The following SNX12 variants were observed in gnomAD, a reference collection of about 807,000 sequenced individuals.
The protein encoded by SNX12 is sorting nexin-12.
For synonymous variants in SNX12, 47 were observed against 56.0 expected (o/e 0.84, Z 0.71); for missense variants, 62 against 141.3 (o/e 0.44, Z 2.84).
upstream of SNX12, among the ~76,000 whole-genome samples, chrX:71,069,231 AC>A (rs766972890): frequency 5.4e-5 from 6 of 111,935 alleles, no homozygotes; most frequent in South Asian, 2.2e-3. Context: ...TCCTTTCTCC[AC>A]CTTTCCCCTG....
chrX:71,067,994 C>T, intron 1 of SNX12, 148 bp downstream of exon 1: 1 of 484,574 alleles, frequency 2.1e-6, no homozygotes, highest in Admixed American at 4.5e-5. Flanking sequence ...ATCGGCAGAC[C>T]TCGTTCCAAG....
At chrX:71,061,174 G>C in intron 3 of SNX12, 56 bp from the exon 4 acceptor site, 1 of 992,630 alleles carries the variant, frequency 1.0e-6, no homozygotes, top group Non-Finnish European at 1.4e-6. Context: ...AGAATTAGCA[G>C]AGGGATGGGG....
At chrX:71,066,672 T>C (rs182605975) in intron 1 of SNX12, among the ~76,000 whole-genome samples, 1 of 109,022 alleles carries the variant, frequency 9.2e-6, no homozygotes, top group Non-Finnish European at 1.9e-5. Context: ...GGGTAATGCA[T>C]TGAATGTCTC....
intron 2 of SNX12, 149 bp from the exon 3 acceptor site, chrX:71,062,116 G>C (rs2092133656): frequency 4.4e-6 from 2 of 458,644 alleles, no homozygotes; most frequent in Non-Finnish European, 7.0e-6. Flanking sequence ...CATAAGAACA[G>C]TCAGGATGGC....
At chrX:71,069,738 C>T (rs2092166901), upstream of SNX12, among the ~76,000 whole-genome samples, 1 of 111,367 alleles carries the variant, frequency 9.0e-6, no homozygotes, top group Admixed American at 9.6e-5. Context: ...GTCAAGAGTT[C>T]GAGATCAGCC....
chrX:71,065,649 C>T (rs1468947732), intron 1 of SNX12, among the ~76,000 whole-genome samples: 4 of 109,523 alleles, frequency 3.7e-5, no homozygotes, highest in African/African-American at 1.3e-4. Context: ...ACTAAAAATA[C>T]AAAAATTAGC....
At chrX:71,061,142 T>C in intron 3 of SNX12, 24 bp from the exon 4 acceptor site, 1 of 1,099,038 alleles carries the variant, frequency 9.1e-7, no homozygotes, top group African/African-American at 1.8e-5. Context: ...AGGATGGTTA[T>C]CAGTAGTATT....
chrX:71,071,489 T>C (rs2092171186), upstream of SNX12, among the ~76,000 whole-genome samples: 4 of 67,684 alleles, frequency 5.9e-5, no homozygotes, highest in South Asian at 2.3e-3. Flanking sequence ...GTTTATATTA[T>C]ATATAATTAT....
upstream of SNX12, chrX:71,068,394 A>C (rs764492792): frequency 1.2e-6 from 1 of 814,509 alleles, no homozygotes; most frequent in Non-Finnish European, 1.7e-6. Flanking sequence ...CCGCTTGCAA[A>C]ATAACTAGCC....
chrX:71,064,153 T>C (rs2092143067), intron 1 of SNX12, among the ~76,000 whole-genome samples: 1 of 111,806 alleles, frequency 8.9e-6, no homozygotes, highest in Non-Finnish European at 1.9e-5. Flanking sequence ...CATGTGTACA[T>C]ATTACATTTT....
Position 71,059,462 on chromosome X carries a change from T to C in SNX12, c.*1554A>G, listed in dbSNP as rs983059641. 2 of 111,914 alleles carry C rather than the reference T, an allele frequency of 1.8e-5. No homozygotes were observed. The highest frequency in any genetic ancestry group is 6.5e-5 in the African/African-American group (2 of 30,794). The allele number at this position is 111,914 out of a possible 1,213,427, so 9.2% of individuals were successfully genotyped here. On this transcript the variant is annotated 3_prime_UTR_variant, in exon 4 of 4. Coordinates refer to ENST00000374274, the MANE Select transcript of SNX12 (RefSeq NM_013346.4). ...AATCAAAAAGGCAGCAACAACAACA[T>C]TGGCGAGGTGGGAAAGGGAGCAGAG...
At chrX:71,072,820 T>A (rs1347800245), upstream of SNX12, among the ~76,000 whole-genome samples, 1 of 110,490 alleles carries the variant, frequency 9.1e-6, no homozygotes. Flanking sequence ...AAAATTTTGA[T>A]AGGGTGAAAA....
At chrX:71,068,630 C>G (rs968714502), upstream of SNX12, among the ~76,000 whole-genome samples, 1 of 113,100 alleles carries the variant, frequency 8.8e-6, no homozygotes, top group African/African-American at 3.2e-5. Context: ...CTCCGCCAAT[C>G]GCGGCTCCTC....
Position 71,060,083 on chromosome X carries a change from G to A in SNX12, c.*933C>T, listed in dbSNP as rs1459685076. ...GCACTAAATGGGATGGGGGAAAGGA[G>A]AATGGAAGGAAGACAGTGTTGATGC... On this transcript the variant is annotated 3_prime_UTR_variant, in exon 4 of 4. Coordinates refer to ENST00000374274, the MANE Select transcript of SNX12 (RefSeq NM_013346.4). The A allele has an allele frequency of 8.9e-6, 1 of 111,922 alleles. No individual in the cohort carries two copies. Among genetic ancestry groups the A allele is most frequent in the Non-Finnish European group, 1.9e-5 (1 of 53,250 alleles). 9.2% of individuals were successfully genotyped at this position (111,922 alleles called of 1,213,427 possible). A position where few individuals can be genotyped will look rare whatever the true frequency, so the allele number is the denominator to read the frequency against.
At chrX:71,071,240 T>C (rs58821656), upstream of SNX12, among the ~76,000 whole-genome samples, 2,082 of 105,969 alleles carry the variant, frequency 0.02, 59 homozygotes, top group African/African-American at 0.069. Flanking sequence ...AGTTCCCCTA[T>C]CTATCCATTT....
chrX:71,059,759 G>C lies in SNX12; in HGVS notation c.*1257C>G. The C allele has an allele frequency of 1.8e-5, 2 of 111,331 alleles. No individual in the cohort carries two copies. Among genetic ancestry groups the C allele is most frequent in the Non-Finnish European group, 3.8e-5 (2 of 53,111 alleles). 9.2% of individuals were successfully genotyped at this position (111,331 alleles called of 1,213,427 possible). A position where few individuals can be genotyped will look rare whatever the true frequency, so the allele number is the denominator to read the frequency against. Reference sequence around the variant, plus strand: ...TCTCACCCCACCACTTGGGACAGACGTTGGGCCCCAGCAAACAAACCACCC... The same window carrying C: ...TCTCACCCCACCACTTGGGACAGACCTTGGGCCCCAGCAAACAAACCACCC... On this transcript the variant is annotated 3_prime_UTR_variant, in exon 4 of 4. Coordinates refer to ENST00000374274, the MANE Select transcript of SNX12 (RefSeq NM_013346.4).
At chrX:71,071,995 C>G (rs778351340), upstream of SNX12, among the ~76,000 whole-genome samples, 24 of 110,331 alleles carry the variant, frequency 2.2e-4, no homozygotes, top group Non-Finnish European at 4.2e-4. Context: ...CGGTGGCTCA[C>G]GCCTGTAATC....
At position 71,060,672 on chromosome X, in the gene SNX12, G is replaced by C. The variant is rs2092127577; in HGVS notation, c.*344C>G. 4.3e-6 allele frequency: 1 copy of C among 234,297 alleles called. No individual in the cohort carries two copies. Among genetic ancestry groups the C allele is most frequent in the Non-Finnish European group, 7.7e-6 (1 of 129,660 alleles). 19.3% of individuals were successfully genotyped at this position (234,297 alleles called of 1,213,427 possible). On this transcript the variant is annotated 3_prime_UTR_variant, in exon 4 of 4. Transcript: ENST00000374274. The stretch of plus-strand genomic sequence containing the variant: ...AAAATCCCCTGAACTTGCAGCATCA[G>C]TATGTATCCAAGTGCCTCACCAGCA...
chrX:71,067,775 T>C (rs759343608), intron 1 of SNX12, among the ~76,000 whole-genome samples: 4 of 111,468 alleles, frequency 3.6e-5, no homozygotes, highest in Non-Finnish European at 5.7e-5. Context: ...TATATCGCCT[T>C]GGCTTTCCAT....
Sources: gnomAD v4.1 joint callset for allele counts (sites outside exome capture counted in the v4.1 genomes callset) on GRCh38, gnomAD v4.1.1 for gene constraint, MANE v1.5 for transcripts, NCBI Gene and HGNC (gene_info 2026-07-23, HGNC 2026-07-21) for gene names.